NEGR1: variants seen among roughly 807,000 people sequenced by gnomAD.
The protein encoded by NEGR1 is neuronal growth regulator 1, also known as IgLON family member 4.
In NEGR1, 10 loss-of-function variants were observed where a neutral mutation model predicts 40.9. That is an observed-to-expected ratio of 0.24 (90% CI 0.15 to 0.42). The LOEUF is 0.42. Ranked by LOEUF, NEGR1 falls within the 10% of genes least tolerant of loss-of-function variation. The pLI, the probability that NEGR1 is intolerant of heterozygous loss-of-function variation, is 1.00. For synonymous variants in NEGR1, 185 were observed against 166.8 expected (o/e 1.11, Z -0.84); for missense variants, 352 against 438.9 (o/e 0.80, Z 1.77).
At chr1:71,613,662 A>G (rs941248320) in intron 4 of NEGR1, among the ~76,000 whole-genome samples, 1 of 152,080 alleles carries the variant, frequency 6.6e-6, no homozygotes, top group Non-Finnish European at 1.5e-5. Flanking sequence ...TCTCGAAAAA[A>G]AAAAAAAAGA....
intron 6 of NEGR1, among the ~76,000 whole-genome samples, chr1:71,530,344 A>G (rs1338711253): frequency 6.6e-6 from 1 of 151,134 alleles, no homozygotes; most frequent in Admixed American, 6.6e-5. Flanking sequence ...ACCTGCCTTT[A>G]TGTTCTTTTG....
At chr1:71,817,735 C>T (rs1440864485) in intron 2 of NEGR1, among the ~76,000 whole-genome samples, 3 of 152,010 alleles carry the variant, frequency 2.0e-5, no homozygotes, top group African/African-American at 7.2e-5. Flanking sequence ...GTGATAGAAA[C>T]AGCAGATGTT....
At chr1:71,940,814 A>AT (rs1645951793) in intron 1 of NEGR1, among the ~76,000 whole-genome samples, 1 of 152,112 alleles carries the variant, frequency 6.6e-6, no homozygotes, top group African/African-American at 2.4e-5. Flanking sequence ...GGTATTTGTT[A>AT]TTTTTTAAAG....
intron 4 of NEGR1, among the ~76,000 whole-genome samples, chr1:71,612,742 G>A (rs187389029): frequency 2.6e-5 from 4 of 152,328 alleles, no homozygotes; most frequent in Non-Finnish European, 5.9e-5. Flanking sequence ...ATGTAAATGA[G>A]TGAGTTAGCT....
chr1:71,972,407 C>T (rs1646264378), intron 1 of NEGR1, among the ~76,000 whole-genome samples: 1 of 152,114 alleles, frequency 6.6e-6, no homozygotes, highest in Non-Finnish European at 1.5e-5. Context: ...AAACTAAAAA[C>T]AAAAATAATA....
intron 2 of NEGR1, chr1:71,836,976 G>A (rs1006052910): frequency 1.3e-5 from 2 of 152,052 alleles, no homozygotes; most frequent in African/African-American, 2.4e-5. Context: ...AACAGAAGTT[G>A]TACCTCAATG....
chr1:72,269,869 C>A (rs188878549), intron 1 of NEGR1, among the ~76,000 whole-genome samples: 1 of 151,508 alleles, frequency 6.6e-6, no homozygotes, highest in East Asian at 1.9e-4. Flanking sequence ...ATTTAATATG[C>A]CAAATATGTA....
At chr1:71,690,601 T>C (rs9793315) in intron 4 of NEGR1, among the ~76,000 whole-genome samples, 174 of 101,852 alleles carry the variant, frequency 1.7e-3, no homozygotes, top group East Asian at 0.015. Flanking sequence ...CACACACACA[T>C]ATATATATAG....
At chr1:71,935,676 GA>G (rs1282901684) in intron 1 of NEGR1, among the ~76,000 whole-genome samples, 2 of 152,100 alleles carry the variant, frequency 1.3e-5, no homozygotes, top group Admixed American at 6.6e-5. Flanking sequence ...TTCATTGTTT[GA>G]AATTATGAGA....
chr1:71,425,660 A>T (rs1443074500), intron 6 of NEGR1, among the ~76,000 whole-genome samples: 2 of 152,132 alleles, frequency 1.3e-5, no homozygotes, highest in African/African-American at 4.8e-5. Context: ...ACTTTTTTTA[A>T]TGTAAAATAT....
chr1:71,485,588 A>G (rs1395600833), intron 6 of NEGR1, among the ~76,000 whole-genome samples: 2 of 151,476 alleles, frequency 1.3e-5, no homozygotes, highest in African/African-American at 4.8e-5. Flanking sequence ...TGCTCTGCCT[A>G]TTCATCTCTC....
chr1:71,950,757 C>CT (rs1007023116), intron 1 of NEGR1, among the ~76,000 whole-genome samples: 35 of 151,922 alleles, frequency 2.3e-4, no homozygotes, highest in African/African-American at 8.5e-4. Context: ...TCACAATTGT[C>CT]TTTGTAGTCA....
chr1:71,914,682 G>GT (rs948767273), intron 2 of NEGR1, among the ~76,000 whole-genome samples: 49 of 152,240 alleles, frequency 3.2e-4, no homozygotes, highest in African/African-American at 1.2e-3. Context: ...GAAAGATAAT[G>GT]TTTTTTTCTT....
intron 1 of NEGR1, among the ~76,000 whole-genome samples, chr1:72,089,102 G>A (rs866296799): frequency 6.6e-6 from 1 of 152,122 alleles, no homozygotes. Flanking sequence ...AGGCAGAGGT[G>A]GGGTACAGAT....
intron 6 of NEGR1, among the ~76,000 whole-genome samples, chr1:71,575,016 T>C (rs1648919628): frequency 6.6e-6 from 1 of 152,190 alleles, no homozygotes; most frequent in African/African-American, 2.4e-5. Context: ...AAATCTGTAA[T>C]GTGATAATTT....
intron 6 of NEGR1, among the ~76,000 whole-genome samples, chr1:71,415,213 AAAT>A (rs1431489939): frequency 6.6e-6 from 1 of 152,148 alleles, no homozygotes; most frequent in African/African-American, 2.4e-5. Context: ...ATAAACATAA[AAAT>A]AATCATTTTT....
chr1:71,810,010 C>T (rs1194672969), intron 2 of NEGR1, among the ~76,000 whole-genome samples: 1 of 152,124 alleles, frequency 6.6e-6, no homozygotes, highest in Admixed American at 6.6e-5. Context: ...TATCAGTGAA[C>T]TGCAATGGTT....
chr1:71,505,571 G>A (rs1647027149), intron 6 of NEGR1, among the ~76,000 whole-genome samples: 1 of 152,144 alleles, frequency 6.6e-6, no homozygotes, highest in African/African-American at 2.4e-5. Context: ...GTGAGCCACC[G>A]CGCCCGGCCC....
intron 2 of NEGR1, among the ~76,000 whole-genome samples, chr1:71,786,091 T>C (rs1656898992): frequency 6.6e-6 from 1 of 152,006 alleles, no homozygotes; most frequent in Non-Finnish European, 1.5e-5. Flanking sequence ...TAATATACAT[T>C]CACTGAAAAG....
Sources: gnomAD v4.1 joint callset for allele counts (sites outside exome capture counted in the v4.1 genomes callset) on GRCh38, gnomAD v4.1.1 for gene constraint, MANE v1.5 for transcripts, NCBI Gene and HGNC (gene_info 2026-07-23, HGNC 2026-07-21) for gene names.